PLEKHG7: variants seen among roughly 807,000 people sequenced by gnomAD.
PLEKHG7 encodes pleckstrin homology domain-containing family G member 7.
PLEKHG7 carries 77 observed loss-of-function variants against 85.2 expected under a neutral mutation model. The ratio of observed to expected loss-of-function variants is 0.90; its 90% CI spans 0.75 to 1.09. The LOEUF (loss-of-function observed/expected upper bound fraction) is 1.09, where lower values mean the gene tolerates loss of function less well. Among genes scored for constraint, PLEKHG7 ranks in the 50% least tolerant of loss-of-function variants. The probability of loss-of-function intolerance (pLI) is 0.00; values close to 1 mark genes in which losing one functional copy is unlikely to be tolerated. For missense variants in PLEKHG7, 777 were observed against 804.3 expected (o/e 0.97, Z 0.41); for synonymous variants, 301 against 302.4 (o/e 1.00, Z 0.05).
intron 7 of PLEKHG7, among the ~76,000 whole-genome samples, chr12:92,739,467 C>T (rs1038224083): frequency 1.3e-5 from 2 of 152,170 alleles, no homozygotes; most frequent in African/African-American, 4.8e-5. Context: ...GAGAACGAAG[C>T]CCCTGAGTTA....
intron 3 of PLEKHG7, among the ~76,000 whole-genome samples, chr12:92,715,508 C>A (rs1012760409): frequency 7.9e-5 from 12 of 152,064 alleles, no homozygotes; most frequent in African/African-American, 2.7e-4. Flanking sequence ...CAAAAACAAA[C>A]CGAGACAGAT....
rs557556593 is a variant in PLEKHG7, at chr12:92,736,476, G to A, written c.700-6G>A. 1.3e-5 allele frequency: 16 copies of A among 1,230,208 alleles called. No individual in the cohort carries two copies. In the South Asian group the frequency reaches 3.3e-4, roughly 25 times the overall value. The allele number at this position is 1,230,208 out of a possible 1,614,324, so 76.2% of individuals were successfully genotyped here. A position where few individuals can be genotyped will look rare whatever the true frequency, so the allele number is the denominator to read the frequency against. On this transcript the variant is annotated splice_region_variant and splice_polypyrimidine_tract_variant and intron_variant, in intron 5 of 16. Transcript: ENST00000344636. ...GAAAATCCTGTTTCTAACCATCTTC[G>A]AGCAGGGCAAAGACAAACACAAGCA...
At chr12:92,726,720 C>T (rs537326803) in intron 3 of PLEKHG7, among the ~76,000 whole-genome samples, 1 of 152,200 alleles carries the variant, frequency 6.6e-6, no homozygotes, top group South Asian at 2.1e-4. Context: ...ATTTTGTGAA[C>T]ATCCTACAGA....
intron 6 of PLEKHG7, 75 bp from the exon 7 acceptor site, chr12:92,737,303 A>G: frequency 8.0e-7 from 1 of 1,245,606 alleles, no homozygotes; most frequent in Non-Finnish European, 1.0e-6. Flanking sequence ...TGGAACTGCA[A>G]GCCAAAGCAA....
intron 3 of PLEKHG7, among the ~76,000 whole-genome samples, chr12:92,721,002 A>AG (rs949503432): frequency 7.2e-5 from 11 of 152,210 alleles, no homozygotes; most frequent in African/African-American, 2.7e-4. Context: ...TTGCGACCTT[A>AG]GGTAAGTTCC....
intron 3 of PLEKHG7, among the ~76,000 whole-genome samples, chr12:92,724,310 A>G (rs1871733860): frequency 6.6e-6 from 1 of 152,204 alleles, no homozygotes; most frequent in Admixed American, 6.5e-5. Flanking sequence ...CTCCCACCTA[A>G]TTCAGTTCCC....
intron 5 of PLEKHG7, among the ~76,000 whole-genome samples, chr12:92,734,130 C>T (rs117317533): frequency 2.5e-4 from 38 of 152,242 alleles, no homozygotes; most frequent in African/African-American, 6.5e-4. Flanking sequence ...TTAAAATTAA[C>T]GTCTTCTTCT....
At chr12:92,731,144 G>A (rs1441817553) in intron 4 of PLEKHG7, among the ~76,000 whole-genome samples, 1 of 152,216 alleles carries the variant, frequency 6.6e-6, no homozygotes, top group Admixed American at 6.5e-5. Context: ...AAGCACAGGA[G>A]AGAAATTGGC....
At position 92,736,532 on chromosome 12, in the gene PLEKHG7, T is replaced by C. The variant is rs952006395; in HGVS notation, c.750T>C (p.Ser250=). The change falls in exon 6 of 17, where the codon TCT becomes TCC. Residue 250 remains serine, a synonymous_variant. Transcript: ENST00000344636. ...HISDLENCLS[S]VKITSFRGYD... ...CTGATCTGGAAAACTGCCTGTCCTCTGTGAAAATTACCAGCTTCAGGGGCT... is the reference window on the plus strand; with the variant it reads ...CTGATCTGGAAAACTGCCTGTCCTCCGTGAAAATTACCAGCTTCAGGGGCT... 1.6e-5 allele frequency: 20 copies of C among 1,231,866 alleles called. No homozygotes were observed. Among genetic ancestry groups the C allele is most frequent in the Non-Finnish European group, 2.0e-5 (20 of 987,784 alleles). The allele number at this position is 1,231,866 out of a possible 1,614,324, so 76.3% of individuals were successfully genotyped here.
chr12:92,753,907 A>G (rs1872755194), intron 10 of PLEKHG7, among the ~76,000 whole-genome samples, 183 bp from the exon 11 acceptor site: 1 of 152,232 alleles, frequency 6.6e-6, no homozygotes, highest in African/African-American at 2.4e-5. Context: ...TCTTATCACT[A>G]CTGCTAATGG....
At chr12:92,726,853 G>A (rs545384286) in intron 3 of PLEKHG7, among the ~76,000 whole-genome samples, 1 of 152,250 alleles carries the variant, frequency 6.6e-6, no homozygotes, top group South Asian at 2.1e-4. Context: ...ATTTTTCTCT[G>A]GGAAAAATAA....
At chr12:92,744,656 CTT>C (rs869270724) in intron 9 of PLEKHG7, among the ~76,000 whole-genome samples, 12 of 138,046 alleles carry the variant, frequency 8.7e-5, no homozygotes, top group Admixed American at 7.3e-5. Flanking sequence ...TCCCAAATTT[CTT>C]TTTTTTTTTT....
At chr12:92,737,353 TTC>T (rs1297149154) in intron 6 of PLEKHG7, 23 bp from the exon 7 acceptor site, 1 of 1,396,376 alleles carries the variant, frequency 7.2e-7, no homozygotes, top group Non-Finnish European at 9.3e-7. Flanking sequence ...AAATGTTTTG[TTC>T]TCTCTTTTTC....
intron 13 of PLEKHG7, 141 bp from the exon 14 acceptor site, chr12:92,761,611 G>T: frequency 1.0e-6 from 1 of 972,870 alleles, no homozygotes; most frequent in Non-Finnish European, 1.4e-6. Context: ...GAAAGAAAAA[G>T]AAAGAAAGAA....
At chr12:92,718,650 C>T (rs1871555212) in intron 3 of PLEKHG7, among the ~76,000 whole-genome samples, 1 of 152,194 alleles carries the variant, frequency 6.6e-6, no homozygotes, top group South Asian at 2.1e-4. Context: ...CTCCCTCCAG[C>T]TCCTCTTGAC....
intron 3 of PLEKHG7, among the ~76,000 whole-genome samples, chr12:92,709,158 A>G (rs1871321014): frequency 1.3e-5 from 2 of 152,226 alleles, no homozygotes; most frequent in Non-Finnish European, 2.9e-5. Context: ...AGTAGACTTG[A>G]GTCAAATAAT....
intron 1 of PLEKHG7, 89 bp downstream of exon 1, chr12:92,703,221 A>G (rs1452477794): frequency 2.0e-5 from 3 of 152,196 alleles, no homozygotes; most frequent in African/African-American, 7.2e-5. Context: ...TGTTTTGCTG[A>G]TCTCTCCAGG....
intron 15 of PLEKHG7, among the ~76,000 whole-genome samples, chr12:92,766,681 A>G (rs1463260428): frequency 6.6e-6 from 1 of 152,050 alleles, no homozygotes; most frequent in Non-Finnish European, 1.5e-5. Context: ...TACAAAAAAA[A>G]TAGCCAGGCG....
At chr12:92,715,156 C>G (rs1018542225) in intron 3 of PLEKHG7, among the ~76,000 whole-genome samples, 2 of 152,122 alleles carry the variant, frequency 1.3e-5, no homozygotes, top group Non-Finnish European at 2.9e-5. Flanking sequence ...AGTCAGAGTT[C>G]CAAAGCTGAA....
Sources: gnomAD v4.1 joint callset for allele counts (sites outside exome capture counted in the v4.1 genomes callset) on GRCh38, gnomAD v4.1.1 for gene constraint, MANE v1.5 for transcripts, NCBI Gene and HGNC (gene_info 2026-07-23, HGNC 2026-07-21) for gene names.